The following SORCS2 variants were observed in gnomAD, a reference collection of about 807,000 sequenced individuals.
SORCS2 encodes the protein VPS10 domain-containing receptor SorCS2.
A neutral mutation model predicts 141.6 loss-of-function variants in SORCS2; 100 were observed. That is an observed-to-expected ratio of 0.71 (90% CI 0.60 to 0.83). The LOEUF is 0.83. Among genes scored for constraint, SORCS2 ranks in the 40% least tolerant of loss-of-function variants. The pLI, the probability that SORCS2 is intolerant of heterozygous loss-of-function variation, is 0.00. For missense variants in SORCS2, 1,646 were observed against 1,560.2 expected (o/e 1.05, Z -0.93); for synonymous variants, 789 against 676.9 (o/e 1.17, Z -2.57).
intron 5 of SORCS2, among the ~76,000 whole-genome samples, chr4:7,658,314 TGTGACTGG>T (rs1229673611): frequency 1.3e-5 from 2 of 151,824 alleles, no homozygotes; most frequent in Non-Finnish European, 2.9e-5. Flanking sequence ...TGAGTGAGTC[TGTGACTGG>T]GTGAGTGGGT....
Position 7,726,900 on chromosome 4 carries a change from C to T in SORCS2, c.2866C>T (p.Leu956=), listed in dbSNP as rs1437048901. Residue 956 remains leucine, a synonymous_variant, in exon 21 of 27, where the codon CTG becomes TTG. Coordinates refer to ENST00000507866, the MANE Select transcript of SORCS2 (RefSeq NM_020777.3). The part of the protein sequence containing the change: ...VLQDSRVLRV[L]DQFQVMPLQF... ...GCAGGACTCCAGGGTCCTCCGTGTG[C>T]TGGGTAAGTACTTCCTGGGGTCTGG... is the stretch of plus-strand genomic sequence containing the variant. 4 of 1,612,820 alleles carry T rather than the reference C, an allele frequency of 2.5e-6. No individual in the cohort carries two copies. Among genetic ancestry groups the T allele is most frequent in the Non-Finnish European group, 3.4e-6 (4 of 1,179,154 alleles).
intron 2 of SORCS2, among the ~76,000 whole-genome samples, chr4:7,529,569 G>C (rs1438882532): frequency 6.6e-6 from 1 of 152,192 alleles, no homozygotes; most frequent in African/African-American, 2.4e-5. Flanking sequence ...AGAGCTGGGA[G>C]TGAAGGGAAG....
chr4:7,438,624 C>G (rs2109251549), intron 2 of SORCS2, among the ~76,000 whole-genome samples: 1 of 151,952 alleles, frequency 6.6e-6, no homozygotes, highest in East Asian at 1.9e-4. Flanking sequence ...TCCTTCTGTT[C>G]CCTTTCTCCT....
At chr4:7,451,125 T>C (rs1728433198) in intron 2 of SORCS2, among the ~76,000 whole-genome samples, 1 of 152,126 alleles carries the variant, frequency 6.6e-6, no homozygotes, top group Non-Finnish European at 1.5e-5. Context: ...AATGAACGAA[T>C]GAGTGAGTGA....
intron 15 of SORCS2, among the ~76,000 whole-genome samples, chr4:7,713,574 G>A (rs1392909214): frequency 6.6e-6 from 1 of 152,140 alleles, no homozygotes; most frequent in Non-Finnish European, 1.5e-5. Flanking sequence ...TCAGTGGGTG[G>A]AAACTGACTA....
intron 1 of SORCS2, among the ~76,000 whole-genome samples, chr4:7,196,227 G>T (rs955645550): frequency 6.6e-6 from 1 of 152,188 alleles, no homozygotes; most frequent in African/African-American, 2.4e-5. Flanking sequence ...AAACCAAGAG[G>T]TATTGCGTTT....
At position 7,628,498 on chromosome 4, in the gene SORCS2, A is replaced by G. The variant is rs529426168; in HGVS notation, c.649-9830A>G. Among the ~76,000 whole-genome samples, 21 of 150,472 alleles carry G rather than the reference A, an allele frequency of 1.4e-4. No homozygotes were observed. The East Asian group carries it at 2.4e-3, about 17-fold the overall frequency. The stretch of plus-strand genomic sequence containing the variant: ...TGTGCCACTGCACTCCAGCCTGGGC[A>G]AAAGAGTGAGACTCCGTCTCGAAAA... On this transcript the variant is annotated intron_variant, in intron 3 of 26. Transcript: ENST00000507866.
chr4:7,564,614 G>T (rs116380737), intron 3 of SORCS2, among the ~76,000 whole-genome samples: 2,548 of 152,320 alleles, frequency 0.017, 33 homozygotes, highest in South Asian at 0.032. Flanking sequence ...AAGGAAGGCA[G>T]CTATGGGAGC....
intron 17 of SORCS2, 70 bp from the exon 18 acceptor site, chr4:7,717,941 TC>T: frequency 6.9e-7 from 1 of 1,454,658 alleles, no homozygotes; most frequent in Non-Finnish European, 9.1e-7. Context: ...AGCACGTCCC[TC>T]CCCAGACTAT....
chr4:7,395,783 C>G (rs577875483), intron 1 of SORCS2, among the ~76,000 whole-genome samples: 19 of 152,234 alleles, frequency 1.2e-4, no homozygotes, highest in Admixed American at 5.2e-4. Flanking sequence ...AGGCACCACT[C>G]CAGGACAAGT....
At chr4:7,726,531 G>A (rs1292500060) in intron 20 of SORCS2, among the ~76,000 whole-genome samples, 1 of 152,108 alleles carries the variant, frequency 6.6e-6, no homozygotes, top group African/African-American at 2.4e-5. Flanking sequence ...CCAAGATTGC[G>A]CCACTGCACT....
At chr4:7,377,547 C>G (rs1722741115) in intron 1 of SORCS2, among the ~76,000 whole-genome samples, 1 of 152,256 alleles carries the variant, frequency 6.6e-6, no homozygotes, top group South Asian at 2.1e-4. Flanking sequence ...CATTAACTTT[C>G]AATCACTGTT....
chr4:7,579,317 C>T (rs1715983835), intron 3 of SORCS2, among the ~76,000 whole-genome samples: 2 of 152,026 alleles, frequency 1.3e-5, no homozygotes, highest in East Asian at 3.9e-4. Flanking sequence ...TAGCTGAGTA[C>T]CTACAAAATC....
chr4:7,434,454 C>A, intron 2 of SORCS2: 1 of 1,610,468 alleles, frequency 6.2e-7, no homozygotes, highest in Non-Finnish European at 8.5e-7. Context: ...GCCTCTGCAG[C>A]GGCTCACAGA....
At chr4:7,733,265 CT>C in intron 23 of SORCS2, 56 bp from the exon 24 acceptor site, 2 of 1,369,852 alleles carry the variant, frequency 1.5e-6, no homozygotes, top group Non-Finnish European at 9.8e-7. Flanking sequence ...TCCCCCTTCC[CT>C]TTTGGCAGAG....
rs577548748 is a variant in SORCS2 at position 7,450,094 on chromosome 4, G to C, written c.548+53739G>C. 7.2e-5 allele frequency among the ~76,000 whole-genome samples: 11 copies of C among 152,348 alleles called. No individual in the cohort carries two copies. In the East Asian group the frequency reaches 2.1e-3, roughly 29 times the overall value. On this transcript the variant is annotated intron_variant, in intron 2 of 26. Coordinates refer to ENST00000507866, the MANE Select transcript of SORCS2 (RefSeq NM_020777.3). ...CAGGATGGATGTGGGCAAGGCCCTT[G>C]GTGCCTTCGGGACCTGGGCTCTGCA...
chr4:7,515,512 C>A (rs1009627476), intron 2 of SORCS2, among the ~76,000 whole-genome samples: 1 of 152,142 alleles, frequency 6.6e-6, no homozygotes, highest in Non-Finnish European at 1.5e-5. Context: ...GAGGGCTCAG[C>A]GGGCAGCCGG....
At chr4:7,495,141 C>T (rs1055310050) in intron 2 of SORCS2, among the ~76,000 whole-genome samples, 26 of 152,340 alleles carry the variant, frequency 1.7e-4, no homozygotes, top group African/African-American at 5.5e-4. Context: ...GCTTAGAAAC[C>T]GTGTGGCCAT....
intron 2 of SORCS2, among the ~76,000 whole-genome samples, chr4:7,465,789 C>T (rs145848079): frequency 2.6e-5 from 4 of 152,306 alleles, no homozygotes; most frequent in African/African-American, 4.8e-5. Context: ...AACGCAAGCC[C>T]AGACAAAGGC....
Sources: allele counts gnomAD v4.1 joint callset (sites outside exome capture counted in the v4.1 genomes callset), GRCh38; gene constraint gnomAD v4.1.1; transcripts MANE v1.5; gene names NCBI Gene and HGNC (gene_info 2026-07-23, HGNC 2026-07-21).